The following ARHGEF9 variants were observed in gnomAD, a reference collection of about 807,000 sequenced individuals.
ARHGEF9 encodes Cdc42 guanine nucleotide exchange factor 9.
In ARHGEF9, 2 loss-of-function variants were observed where a neutral mutation model predicts 41.3. The observed-to-expected ratio is 0.05, with a 90% CI of 0.02 to 0.15. The LOEUF is 0.15. Ranked by LOEUF, ARHGEF9 falls within the 10% of genes least tolerant of loss-of-function variation. ARHGEF9 has a pLI of 1.00. For synonymous variants in ARHGEF9, 160 were observed against 154.4 expected, an observed-to-expected ratio of 1.04 and a Z score of -0.27; for missense variants, 225 against 424.7, an observed-to-expected ratio of 0.53 and a Z score of 4.13.
intron 1 of ARHGEF9, among the ~76,000 whole-genome samples, chrX:63,742,701 C>G (rs2055034448): frequency 9.0e-6 from 1 of 111,687 alleles, no homozygotes; most frequent in Admixed American, 9.5e-5. Flanking sequence ...AGAACATGGC[C>G]AGATAAACCC....
At chrX:63,692,335 T>C (rs1285407796) in intron 4 of ARHGEF9, among the ~76,000 whole-genome samples, 22 of 111,974 alleles carry the variant, frequency 2.0e-4, no homozygotes, top group Non-Finnish European at 4.0e-4. Flanking sequence ...AGCCAAAATA[T>C]GTAAGTGACT....
At chrX:63,643,058 A>C (rs1331239362) in intron 9 of ARHGEF9, 5 of 112,220 alleles carry the variant, frequency 4.5e-5, no homozygotes, top group Non-Finnish European at 9.4e-5. Flanking sequence ...AAATGAAATA[A>C]CATATAAAGT....
chrX:63,713,087 C>T (rs2053048882), intron 2 of ARHGEF9: 1 of 111,512 alleles, frequency 9.0e-6, no homozygotes, highest in Admixed American at 9.5e-5. Context: ...AGCCAGCCGG[C>T]CCCTGTCTCC....
intron 1 of ARHGEF9, chrX:63,754,308 G>A: frequency 1.7e-6 from 2 of 1,210,301 alleles, no homozygotes; most frequent in Non-Finnish European, 2.2e-6. Flanking sequence ...ATATACCAAC[G>A]TCATACATAT....
At chrX:63,773,270 CTT>C (rs1972849579) in intron 1 of ARHGEF9, among the ~76,000 whole-genome samples, 1 of 112,191 alleles carries the variant, frequency 8.9e-6, no homozygotes, top group African/African-American at 3.2e-5. Flanking sequence ...TTTTCTCAGT[CTT>C]TTCTCTAGCA....
At chrX:63,638,700 C>T in intron 9 of ARHGEF9, 1 of 301,617 alleles carries the variant, frequency 3.3e-6, no homozygotes, top group Non-Finnish European at 5.8e-6. Context: ...GAACTATTGA[C>T]TTCAGGACAG....
chrX:63,784,491 A>C (rs1410925345), intron 1 of ARHGEF9, among the ~76,000 whole-genome samples: 19 of 112,454 alleles, frequency 1.7e-4, no homozygotes, highest in Non-Finnish European at 3.2e-4. Flanking sequence ...GGGTTTCTGC[A>C]GCTGTCTCTC....
rs1319788846 is a variant in ARHGEF9, at chrX:63,635,560, G to A, written c.*2468C>T. 6.7e-6 allele frequency: 3 copies of A among 445,018 alleles called. No individual in the cohort carries two copies. In the African/African-American group the frequency reaches 7.7e-5, roughly 11 times the overall value. 36.7% of individuals were successfully genotyped at this position (445,018 alleles called of 1,213,427 possible). A position where few individuals can be genotyped will look rare whatever the true frequency, so the allele number is the denominator to read the frequency against. On this transcript the variant is annotated 3_prime_UTR_variant, in exon 10 of 10. Transcript: ENST00000671741. ...GTCTGCTTTGATGCTATAGGCTGAGGGAATACTCCAACCAATGGGGAAATG... is the reference window on the plus strand; with the variant it reads ...GTCTGCTTTGATGCTATAGGCTGAGAGAATACTCCAACCAATGGGGAAATG...
chrX:63,636,676 T>C lies in ARHGEF9; in HGVS notation c.*1352A>G. 3.5e-6 allele frequency: 1 copy of C among 287,186 alleles called. No individual in the cohort carries two copies. The highest frequency in any genetic ancestry group is 6.1e-6 in the Non-Finnish European group (1 of 164,092). The allele number at this position is 287,186 out of a possible 1,213,427, so 23.7% of individuals were successfully genotyped here. Reference sequence around the variant, plus strand: ...AGGGAAAGAAAGAAGCCAGGGAAGATTGTCCATGCAATCTGTTAACAATGG... The same window carrying C: ...AGGGAAAGAAAGAAGCCAGGGAAGACTGTCCATGCAATCTGTTAACAATGG... On this transcript the variant is annotated 3_prime_UTR_variant, in exon 10 of 10. Coordinates refer to ENST00000671741, the MANE Select transcript of ARHGEF9 (RefSeq NM_001353921.2).
At chrX:63,638,653 C>G in intron 9 of ARHGEF9, 1 of 304,896 alleles carries the variant, frequency 3.3e-6, no homozygotes, top group East Asian at 4.6e-5. Context: ...TTCGCCTTCT[C>G]CAGTCCCCCC....
chrX:63,774,268 C>T (rs782636054), intron 1 of ARHGEF9, among the ~76,000 whole-genome samples: 3 of 111,323 alleles, frequency 2.7e-5, no homozygotes, highest in Non-Finnish European at 5.7e-5. Flanking sequence ...AACCCAGGTC[C>T]ATCTGACTTT....
intron 9 of ARHGEF9, chrX:63,641,837 G>A (rs2047654865): frequency 9.0e-6 from 1 of 111,556 alleles, no homozygotes; most frequent in Admixed American, 9.5e-5. Flanking sequence ...GCTCAATCTG[G>A]ATGGGCACCA....
intron 1 of ARHGEF9, among the ~76,000 whole-genome samples, chrX:63,745,784 C>T (rs1360956991): frequency 9.0e-6 from 1 of 111,511 alleles, no homozygotes. Context: ...TCCAAGGATG[C>T]TCTATCTCCC....
intron 9 of ARHGEF9, among the ~76,000 whole-genome samples, chrX:63,643,641 A>G (rs2047790480): frequency 9.0e-6 from 1 of 110,860 alleles, no homozygotes; most frequent in African/African-American, 3.3e-5. Context: ...CATCATGCCC[A>G]AACTATACTT....
Position 63,650,324 on chromosome X carries a change from A to T in ARHGEF9, c.1321+5170T>A, listed in dbSNP as rs181205305. On this transcript the variant is annotated intron_variant, in intron 8 of 9. Transcript: ENST00000671741. ...TGTATAAAGGAAATGTGGCATATATACACGATGTTATATTATTCAGCCATA... is the reference window on the plus strand; with the variant it reads ...TGTATAAAGGAAATGTGGCATATATTCACGATGTTATATTATTCAGCCATA... Among the ~76,000 whole-genome samples, 15 of 111,808 alleles carry T rather than the reference A, an allele frequency of 1.3e-4. No homozygotes were observed. In the East Asian group the frequency reaches 2.2e-3, roughly 17 times the overall value.
intron 1 of ARHGEF9, among the ~76,000 whole-genome samples, chrX:63,771,488 G>A (rs1273128728): frequency 9.0e-6 from 1 of 111,715 alleles, no homozygotes; most frequent in Non-Finnish European, 1.9e-5. Flanking sequence ...TTTAATAGAC[G>A]AGATTTACGT....
At chrX:63,773,702 CA>C (rs1446965972) in intron 1 of ARHGEF9, among the ~76,000 whole-genome samples, 1 of 111,866 alleles carries the variant, frequency 8.9e-6, no homozygotes, top group Non-Finnish European at 1.9e-5. Context: ...AATCAGTAGA[CA>C]AAGTAAAGAA....
At chrX:63,697,325 T>C (rs781893995) in intron 3 of ARHGEF9, 21 bp from the exon 4 acceptor site, 2 of 1,205,598 alleles carry the variant, frequency 1.7e-6, no homozygotes, top group Non-Finnish European at 2.2e-6. Flanking sequence ...AGAAAAAGCC[T>C]AGGCTGAGGA....
chrX:63,690,662 C>T, intron 4 of ARHGEF9, among the ~76,000 whole-genome samples: 1 of 111,420 alleles, frequency 9.0e-6, no homozygotes, highest in East Asian at 2.8e-4. Context: ...GGTACCCAAA[C>T]CAGACAAAAA....
Sources: gnomAD v4.1 joint callset for allele counts (sites outside exome capture counted in the v4.1 genomes callset) on GRCh38, gnomAD v4.1.1 for gene constraint, MANE v1.5 for transcripts, NCBI Gene and HGNC (gene_info 2026-07-23, HGNC 2026-07-21) for gene names.